The following PRKCG variants were observed in gnomAD, a reference collection of about 807,000 sequenced individuals.
PRKCG encodes the protein protein kinase C gamma type.
A neutral mutation model predicts 82.0 loss-of-function variants in PRKCG; 28 were observed. The ratio of observed to expected loss-of-function variants is 0.34; its 90% CI spans 0.25 to 0.47. PRKCG has a LOEUF of 0.47. PRKCG is among the 20% of genes least tolerant of loss of function. PRKCG has a pLI of 1.00. For missense variants in PRKCG, 640 were observed against 952.7 expected (o/e 0.67, Z 4.32); for synonymous variants, 383 against 376.6 (o/e 1.02, Z -0.20).
chr19:53,900,354 G>A lies in PRKCG; in HGVS notation c.1373+30G>A, dbSNP rs757571559. The A allele has an allele frequency of 9.9e-6, 16 of 1,613,794 alleles. No homozygotes were observed. The highest frequency in any genetic ancestry group is 1.3e-5 in the Non-Finnish European group (15 of 1,179,870). On this transcript the variant is annotated intron_variant, in intron 12 of 17. Coordinates refer to ENST00000263431, the MANE Select transcript of PRKCG (RefSeq NM_002739.5). The surrounding 1 kb of genome is among the most constrained non-coding windows in gnomAD (Gnocchi z 4.2). ...GTCTCGGCCAACAGAGAATGGTCGG[G>A]GTGGTGGAAGGGGGCAGGATCCAGC... is the stretch of plus-strand genomic sequence containing the variant.
rs371261303 is a variant in PRKCG at position 53,901,718 on chromosome 19, C to T, written c.1575+969C>T. Among the ~76,000 whole-genome samples, 45 of 150,494 alleles carry T rather than the reference C, an allele frequency of 3.0e-4. 3 individuals carry two copies. Among genetic ancestry groups the T allele is most frequent in the East Asian group, 2.4e-3 (12 of 5,082 alleles). On this transcript the variant is annotated intron_variant, in intron 14 of 17. Coordinates refer to ENST00000263431, the MANE Select transcript of PRKCG (RefSeq NM_002739.5). ...TACAAAAATTAGCCAGGCGTGGTGG[C>T]GGGTGCCTGTAGTCCCAGCTACTTG...
chr19:53,904,516 T>C, intron 15 of PRKCG, 119 bp from the exon 16 acceptor site: 2 of 782,770 alleles, frequency 2.6e-6, no homozygotes, highest in Non-Finnish European at 4.4e-6. Flanking sequence ...TGTGGTCAGG[T>C]GTGCATGTGG....
chr19:53,890,677 G>A (rs2068668271), intron 5 of PRKCG, among the ~76,000 whole-genome samples: 1 of 151,204 alleles, frequency 6.6e-6, no homozygotes, highest in African/African-American at 2.4e-5. Context: ...TGCCTCCGGG[G>A]TTCAAGGGAT....
upstream of PRKCG, among the ~76,000 whole-genome samples, chr19:53,881,589 G>A (rs541980770): frequency 6.6e-6 from 1 of 151,872 alleles, no homozygotes; most frequent in South Asian, 2.1e-4. Context: ...CCCAGAGATG[G>A]CGACAGATAC....
chr19:53,888,872 A>C (rs565542995), intron 3 of PRKCG, among the ~76,000 whole-genome samples: 1 of 152,170 alleles, frequency 6.6e-6, no homozygotes, highest in Admixed American at 6.5e-5. Context: ...GGAGGTTGGA[A>C]GCTCCTGCCT....
In PRKCG at chr19:53,892,493, C is replaced by T. The variant is rs1483544318; in HGVS notation, c.687-16C>T. 4 of 1,608,430 alleles carry T rather than the reference C, an allele frequency of 2.5e-6. No individual in the cohort carries two copies. The highest frequency in any genetic ancestry group is 2.5e-6 in the Non-Finnish European group (3 of 1,178,772). On this transcript the variant is annotated splice_polypyrimidine_tract_variant and intron_variant, in intron 6 of 17. Coordinates refer to ENST00000263431, the MANE Select transcript of PRKCG (RefSeq NM_002739.5). This position sits in a 1 kb window ranked among gnomAD's most constrained non-coding sequence, Gnocchi z 5.9. ...TGAGCTCGGCTCTGCACCCCATCCA[C>T]CCCACCTTCCTGCAGCAACCTGAAG... is the stretch of plus-strand genomic sequence containing the variant.
rs770083647 is a variant in PRKCG, at chr19:53,882,690, G to A, written c.170+26G>A. 3 of 1,604,132 alleles carry A rather than the reference G, an allele frequency of 1.9e-6. No homozygotes were observed. Among genetic ancestry groups the A allele is most frequent in the East Asian group, 2.2e-5 (1 of 44,736 alleles). Reference sequence around the variant, plus strand: ...GTGAGGGAAGGGGGCTGGGGGACTGGGGGACGAGGGGACTAGGGGTGCAGA... The same window carrying A: ...GTGAGGGAAGGGGGCTGGGGGACTGAGGGACGAGGGGACTAGGGGTGCAGA... On this transcript the variant is annotated intron_variant, in intron 1 of 17. Transcript: ENST00000263431. The surrounding 1 kb of genome is among the most constrained non-coding windows in gnomAD (Gnocchi z 6.1).
At chr19:53,888,752 G>A (rs763914122) in intron 3 of PRKCG, among the ~76,000 whole-genome samples, 4 of 152,018 alleles carry the variant, frequency 2.6e-5, no homozygotes, top group Non-Finnish European at 5.9e-5. Context: ...GCTCAGAGAA[G>A]GCATACCATA....
rs1045914068 is a variant in PRKCG, at chr19:53,884,345, G to C, written c.285+102G>C. The C allele has an allele frequency of 8.6e-7, 1 of 1,159,974 alleles. No individual in the cohort carries two copies. The highest frequency in any genetic ancestry group is 1.5e-5 in the African/African-American group (1 of 66,008). 71.9% of individuals were successfully genotyped at this position (1,159,974 alleles called of 1,614,324 possible). ...TCCTGCTATTTTTATGGCTGGGAGGGGAGGGGGGCTGGAGAGATAGGGGGA... is the reference window on the plus strand; with the variant it reads ...TCCTGCTATTTTTATGGCTGGGAGGCGAGGGGGGCTGGAGAGATAGGGGGA... On this transcript the variant is annotated intron_variant, in intron 3 of 17. Coordinates refer to ENST00000263431, the MANE Select transcript of PRKCG (RefSeq NM_002739.5). This position sits in a 1 kb window ranked among gnomAD's most constrained non-coding sequence, Gnocchi z 4.6.
chr19:53,896,201 A>T (rs1042169175), intron 9 of PRKCG, among the ~76,000 whole-genome samples: 2 of 151,970 alleles, frequency 1.3e-5, no homozygotes, highest in Non-Finnish European at 2.9e-5. Flanking sequence ...AGCAGGGCAG[A>T]TGGTGGGCAA....
chr19:53,892,422 T>C lies in PRKCG; in HGVS notation c.687-87T>C. On this transcript the variant is annotated intron_variant, in intron 6 of 17. Transcript: ENST00000263431. This position sits in a 1 kb window ranked among gnomAD's most constrained non-coding sequence, Gnocchi z 5.9. Reference sequence around the variant, plus strand: ...AGGAGAGGAGCCCCAGCTGGCTGGGTTTGCCCCCACCTCCAGCACCAAGGA... The same window carrying C: ...AGGAGAGGAGCCCCAGCTGGCTGGGCTTGCCCCCACCTCCAGCACCAAGGA... 1 of 1,546,340 alleles carries C rather than the reference T, an allele frequency of 6.5e-7. No individual in the cohort carries two copies. The highest frequency in any genetic ancestry group is 1.2e-5 in the South Asian group (1 of 85,308).
At position 53,907,074 on chromosome 19, in the gene PRKCG, T is replaced by A; in HGVS notation, c.*179T>A. ...AGCGTTCCTGGCCTTCTGAACTCCA[T>A]ACAGCCTCTACAGCCGTCCCGCGTT... On this transcript the variant is annotated 3_prime_UTR_variant, in exon 18 of 18. Transcript: ENST00000263431. 3 of 1,332,246 alleles carry A rather than the reference T, an allele frequency of 2.3e-6. No homozygotes were observed. Among genetic ancestry groups the A allele is most frequent in the Non-Finnish European group, 3.1e-6 (3 of 982,774 alleles). 82.5% of individuals were successfully genotyped at this position (1,332,246 alleles called of 1,614,324 possible).
At chr19:53,888,644 C>T (rs1488552673) in intron 3 of PRKCG, among the ~76,000 whole-genome samples, 2 of 152,064 alleles carry the variant, frequency 1.3e-5, no homozygotes, top group Non-Finnish European at 1.5e-5. Context: ...GAGCATCTAA[C>T]GTGGTAGGCA....
Position 53,907,123 on chromosome 19 carries a change from T to G in PRKCG, c.*228T>G. The G allele has an allele frequency of 3.9e-6, 4 of 1,016,642 alleles. No homozygotes were observed. The highest frequency in any genetic ancestry group is 5.6e-6 in the Non-Finnish European group (4 of 710,804). The allele number at this position is 1,016,642 out of a possible 1,614,324, so 63.0% of individuals were successfully genotyped here. ...TTCAAGACTTGAGCGGAGCCCGATA[T>G]TCTCCCTGACCTTAGCGTTCTGGAC... On this transcript the variant is annotated 3_prime_UTR_variant, in exon 18 of 18. Coordinates refer to ENST00000263431, the MANE Select transcript of PRKCG (RefSeq NM_002739.5).
In PRKCG at chr19:53,884,347, A is replaced by AG. The variant is rs1216359299; in HGVS notation, c.285+110dup. ...CTGCTATTTTTATGGCTGGGAGGGG[A>AG]GGGGGGCTGGAGAGATAGGGGGAGC... On this transcript the variant is annotated intron_variant, in intron 3 of 17. Coordinates refer to ENST00000263431, the MANE Select transcript of PRKCG (RefSeq NM_002739.5). This position sits in a 1 kb window ranked among gnomAD's most constrained non-coding sequence, Gnocchi z 4.6. The AG allele has an allele frequency of 3.4e-5, 39 of 1,132,690 alleles. No individual in the cohort carries two copies. The highest frequency in any genetic ancestry group is 5.6e-4 in the Middle Eastern group (2 of 3,588). 70.2% of individuals were successfully genotyped at this position (1,132,690 alleles called of 1,614,324 possible).
intron 15 of PRKCG, among the ~76,000 whole-genome samples, chr19:53,903,774 T>C (rs1254008862): frequency 6.6e-6 from 1 of 152,196 alleles, no homozygotes; most frequent in Non-Finnish European, 1.5e-5. Flanking sequence ...AAATCAATCA[T>C]TTTGAAAGAT....
At position 53,883,890 on chromosome 19, in the gene PRKCG, A is replaced by G. The variant is rs1334073989; in HGVS notation, c.203-271A>G. Reference sequence around the variant, plus strand: ...TCCTATTTTCTTTCTCTCTTTTTCCATCTCCCTTCCCTGAGCTCTGTGCTC... The same window carrying G: ...TCCTATTTTCTTTCTCTCTTTTTCCGTCTCCCTTCCCTGAGCTCTGTGCTC... On this transcript the variant is annotated intron_variant, in intron 2 of 17. Coordinates refer to ENST00000263431, the MANE Select transcript of PRKCG (RefSeq NM_002739.5). The surrounding 1 kb of genome is among the most constrained non-coding windows in gnomAD (Gnocchi z 5.4). Among the ~76,000 whole-genome samples, 1 of 150,478 alleles carries G rather than the reference A, an allele frequency of 6.6e-6. No individual in the cohort carries two copies. Among genetic ancestry groups the G allele is most frequent in the Admixed American group, 6.6e-5 (1 of 15,148 alleles).
intron 9 of PRKCG, 104 bp from the exon 10 acceptor site, chr19:53,897,855 G>C (rs1023352398): frequency 6.5e-7 from 1 of 1,536,122 alleles, no homozygotes; most frequent in Non-Finnish European, 9.0e-7. Flanking sequence ...TCTGTCTAGC[G>C]ATTCTCATCC....
At chr19:53,893,487 G>A in intron 9 of PRKCG, 96 bp downstream of exon 9, 1 of 1,324,744 alleles carries the variant, frequency 7.5e-7, no homozygotes, top group South Asian at 1.2e-5. Context: ...CCCCACACAT[G>A]AGTTGAGCAC....
Sources: allele counts gnomAD v4.1 joint callset (sites outside exome capture counted in the v4.1 genomes callset), GRCh38; gene constraint gnomAD v4.1.1; non-coding constraint Gnocchi (gnomAD v3.1); transcripts MANE v1.5; gene names NCBI Gene and HGNC (gene_info 2026-07-23, HGNC 2026-07-21).